OVCH1: variants seen among roughly 807,000 people sequenced by gnomAD.
The protein encoded by OVCH1 is ovochymase-1.
Under a neutral mutation model 138.4 loss-of-function variants are expected in OVCH1, and 139 were observed. The observed-to-expected ratio is 1.00, with a 90% CI of 0.87 to 1.16. The LOEUF is 1.16. OVCH1 is among the 50% of genes most tolerant of loss of function. OVCH1 has a pLI of 0.00. For synonymous variants in OVCH1, 453 were observed against 467.8 expected, an observed-to-expected ratio of 0.97 and a Z score of 0.41; for missense variants, 1,367 against 1,357.9, an observed-to-expected ratio of 1.01 and a Z score of -0.11.
chr12:29,425,247 C>T (rs545227958), downstream of OVCH1, among the ~76,000 whole-genome samples: 26 of 152,182 alleles, frequency 1.7e-4, no homozygotes, highest in African/African-American at 4.8e-4. Context: ...CCACCGAGTA[C>T]GGTATTTCAT....
chr12:29,491,227 A>T, intron 4 of OVCH1, 35 bp from the exon 5 acceptor site: 1 of 1,490,806 alleles, frequency 6.7e-7, no homozygotes, highest in Non-Finnish European at 9.3e-7. Context: ...GTTCATGGAT[A>T]AATACGCCAT....
chr12:29,448,709 G>A (rs527774319), intron 22 of OVCH1, among the ~76,000 whole-genome samples: 2 of 152,208 alleles, frequency 1.3e-5, no homozygotes, highest in South Asian at 4.1e-4. Flanking sequence ...TGTCACTGTA[G>A]TCTAAATTAG....
chr12:29,473,895 G>A (rs1325994617), intron 14 of OVCH1, among the ~76,000 whole-genome samples: 1 of 152,020 alleles, frequency 6.6e-6, no homozygotes, highest in African/African-American at 2.4e-5. Flanking sequence ...ACAGAGATGG[G>A]CCTAGCCTCC....
At chr12:29,402,928 G>A in the OVCH1 span, among the ~76,000 whole-genome samples, 10 of 152,258 alleles carry the variant, frequency 6.6e-5, no homozygotes, top group Non-Finnish European at 1.3e-4. Context: ...AATATTTTGT[G>A]CTCATATTTG....
intron 8 of OVCH1, among the ~76,000 whole-genome samples, chr12:29,482,890 A>G (rs1161057265): frequency 6.6e-6 from 1 of 152,246 alleles, no homozygotes; most frequent in East Asian, 1.9e-4. Context: ...TTGCTCAAAT[A>G]TCCACTTATC....
downstream of OVCH1, among the ~76,000 whole-genome samples, chr12:29,409,579 C>G (rs1269468860): frequency 6.6e-6 from 1 of 152,064 alleles, no homozygotes; most frequent in Non-Finnish European, 1.5e-5. Context: ...AGTAGTCATT[C>G]AGGAGCAGGT....
chr12:29,464,333 TTTTAAATAGCTCATTCTCTA>T, intron 18 of OVCH1, 154 bp downstream of exon 18: 1 of 786,832 alleles, frequency 1.3e-6, no homozygotes. Flanking sequence ...GAAGGAAAAG[TTTTAAATAGCTCATTCTCTA>T]TTTACTTGCT....
At chr12:29,457,768 A>G (rs967704990) in intron 19 of OVCH1, among the ~76,000 whole-genome samples, 24 of 152,176 alleles carry the variant, frequency 1.6e-4, no homozygotes, top group African/African-American at 5.8e-4. Context: ...ACCGAGTAAG[A>G]CAGAGTATAA....
chr12:29,405,932 G>A, the OVCH1 span, among the ~76,000 whole-genome samples: 4 of 152,162 alleles, frequency 2.6e-5, no homozygotes, highest in African/African-American at 7.2e-5. Context: ...TGTTAACTCA[G>A]TTGTACAATA....
intron 3 of OVCH1, among the ~76,000 whole-genome samples, chr12:29,422,335 C>G (rs1941116353): frequency 6.6e-6 from 1 of 152,118 alleles, no homozygotes; most frequent in Non-Finnish European, 1.5e-5. Context: ...TATTCAAAGT[C>G]TCACCTACAG....
At chr12:29,480,148 A>G (rs1347390481) in intron 8 of OVCH1, among the ~76,000 whole-genome samples, 1 of 152,110 alleles carries the variant, frequency 6.6e-6, no homozygotes, top group Non-Finnish European at 1.5e-5. Flanking sequence ...TTTTCTATTC[A>G]AGTCCATCAT....
At chr12:29,443,049 A>G (rs2135923870) in intron 25 of OVCH1, among the ~76,000 whole-genome samples, 1 of 152,202 alleles carries the variant, frequency 6.6e-6, no homozygotes, top group Non-Finnish European at 1.5e-5. Context: ...TATTAATTTT[A>G]TAGTCTTAAT....
chr12:29,497,593 C>A, intron 1 of OVCH1, 30 bp downstream of exon 1: 1 of 1,612,288 alleles, frequency 6.2e-7, no homozygotes, highest in South Asian at 1.1e-5. Flanking sequence ...GCCTCCTCCG[C>A]AGTCCTGGTG....
At chr12:29,465,188 C>T in exon 17 of OVCH1, 6 of 1,605,078 alleles carry the variant, frequency 3.7e-6, no homozygotes, top group Non-Finnish European at 5.1e-6. Flanking sequence ...TGGTCCCCAG[C>T]AATAATAGTC....
At chr12:29,407,135 C>A in the OVCH1 span, among the ~76,000 whole-genome samples, 1 of 151,580 alleles carries the variant, frequency 6.6e-6, no homozygotes, top group Non-Finnish European at 1.5e-5. Flanking sequence ...TGTCCTTCGC[C>A]CACTTCTTGA....
chr12:29,460,658 G>C (rs1459958023), intron 19 of OVCH1, among the ~76,000 whole-genome samples: 1 of 151,984 alleles, frequency 6.6e-6, no homozygotes, highest in Non-Finnish European at 1.5e-5. Context: ...AATTCACCAC[G>C]TGTATTTAGC....
In OVCH1 at chr12:29,471,913, C is replaced by T; in HGVS notation, c.1745G>A (p.Cys582Tyr). ...CACCTGCCATGGCCAACAGTGGGGG[C>T]AGGCTTCTTCCCCTCCTGCGATTCT... Residue 582 changes from cysteine (C) to tyrosine (Y), a missense_variant, in exon 16 of 28, where the codon TGC (cysteine) becomes TAC (tyrosine). Physicochemically the swap from Cys to Tyr is radical, Grantham distance 194 (BLOSUM62 -2). Transcript: ENST00000318184. 6.2e-7 allele frequency: 1 copy of T among 1,613,518 alleles called. No individual in the cohort carries two copies. Among genetic ancestry groups the T allele is most frequent in the Non-Finnish European group, 8.5e-7 (1 of 1,179,650 alleles).
chr12:29,429,733 C>G (rs1941237173), intron 27 of OVCH1, among the ~76,000 whole-genome samples: 1 of 152,104 alleles, frequency 6.6e-6, no homozygotes, highest in East Asian at 1.9e-4. Context: ...GTGATCTCAA[C>G]AGAAGTCACT....
At chr12:29,440,197 C>T (rs1941449434) in intron 25 of OVCH1, among the ~76,000 whole-genome samples, 1 of 152,026 alleles carries the variant, frequency 6.6e-6, no homozygotes, top group Non-Finnish European at 1.5e-5. Context: ...ATTTTTTTAC[C>T]TTTCCTATAC....
Sources: gnomAD v4.1 joint callset for allele counts (sites outside exome capture counted in the v4.1 genomes callset) on GRCh38, gnomAD v4.1.1 for gene constraint, MANE v1.5 for transcripts, NCBI Gene and HGNC (gene_info 2026-07-23, HGNC 2026-07-21) for gene names.